The following C17orf78 variants were observed in gnomAD, a reference collection of about 807,000 sequenced individuals.
The protein encoded by C17orf78 is uncharacterized protein C17orf78.
Under a neutral mutation model 31.8 loss-of-function variants are expected in C17orf78, and 27 were observed. That is an observed-to-expected ratio of 0.85 (90% CI 0.63 to 1.17). The LOEUF is 1.17. C17orf78 is among the 50% of genes most tolerant of loss of function. C17orf78 has a pLI of 0.00. For synonymous variants in C17orf78, 106 were observed against 115.1 expected (o/e 0.92, Z 0.51); for missense variants, 258 against 315.2 (o/e 0.82, Z 1.37).
chr17:37,380,898 GT>G (rs201346814), intron 3 of C17orf78, among the ~76,000 whole-genome samples: 180 of 146,122 alleles, frequency 1.2e-3, no homozygotes, highest in Non-Finnish European at 1.7e-3. Flanking sequence ...GCCTGGCCAG[GT>G]TTTTTTTTTT....
chr17:37,383,725 G>A (rs1440339875), intron 3 of C17orf78, among the ~76,000 whole-genome samples: 1 of 152,074 alleles, frequency 6.6e-6, no homozygotes, highest in African/African-American at 2.4e-5. Flanking sequence ...TGTATTTTTA[G>A]TAGAGATAGG....
At chr17:37,381,978 T>C (rs1240854861) in intron 3 of C17orf78, among the ~76,000 whole-genome samples, 1 of 152,194 alleles carries the variant, frequency 6.6e-6, no homozygotes, top group Admixed American at 6.5e-5. Flanking sequence ...TTTGGTCGTT[T>C]CCAATCTTTT....
intron 2 of C17orf78, among the ~76,000 whole-genome samples, chr17:37,378,922 A>G (rs898598704): frequency 6.6e-6 from 1 of 152,114 alleles, no homozygotes; most frequent in Non-Finnish European, 1.5e-5. Flanking sequence ...TTAGCCGAGC[A>G]AAGTGGCATA....
At chr17:37,390,304 TTATATATATATATATA>T (rs1189193698) in intron 6 of C17orf78, among the ~76,000 whole-genome samples, 1 of 17,988 alleles carries the variant, frequency 5.6e-5, no homozygotes, top group Non-Finnish European at 8.1e-5. Flanking sequence ...TTATACATAA[TTATATATATATATATA>T]TATATATATA....
chr17:37,381,597 A>G (rs1166929387), intron 3 of C17orf78, among the ~76,000 whole-genome samples: 1 of 146,144 alleles, frequency 6.8e-6, no homozygotes, highest in Admixed American at 6.8e-5. Flanking sequence ...ACAGTTTTAC[A>G]TTATTCCATA....
intron 2 of C17orf78, 55 bp from the exon 3 acceptor site, chr17:37,379,082 A>G (rs974759606): frequency 1.9e-6 from 3 of 1,551,304 alleles, no homozygotes; most frequent in African/African-American, 1.4e-5. Context: ...AAAAAAACCA[A>G]CCAAACAAAA....
chr17:37,389,507 C>T (rs2050696011), intron 6 of C17orf78, 145 bp downstream of exon 6: 1 of 1,203,482 alleles, frequency 8.3e-7, no homozygotes, highest in Non-Finnish European at 1.1e-6. Context: ...GCCTGACCAA[C>T]ATGACGAAAC....
At chr17:37,390,334 A>ATATATATATATATATATATAT (rs2050822111) in intron 6 of C17orf78, among the ~76,000 whole-genome samples, 14 of 93,408 alleles carry the variant, frequency 1.5e-4, no homozygotes, top group African/African-American at 3.6e-4. Flanking sequence ...ATATATATAT[A>ATATATATATATATATATATAT]AAAGGCCAGC....
chr17:37,388,835 A>G, intron 5 of C17orf78, 41 bp downstream of exon 5: 3 of 1,607,462 alleles, frequency 1.9e-6, no homozygotes, highest in Non-Finnish European at 2.5e-6. Context: ...CTTGACCCAT[A>G]AAGACTTTCT....
intron 6 of C17orf78, among the ~76,000 whole-genome samples, chr17:37,390,981 C>T (rs1219490471): frequency 1.3e-5 from 2 of 152,080 alleles, no homozygotes; most frequent in East Asian, 3.9e-4. Context: ...TGGCTCATGC[C>T]TGTAATCCCA....
At chr17:37,378,722 A>G (rs1330075478) in intron 2 of C17orf78, among the ~76,000 whole-genome samples, 2 of 152,098 alleles carry the variant, frequency 1.3e-5, no homozygotes, top group African/African-American at 2.4e-5. Flanking sequence ...CAACAAGAGC[A>G]AAACTCAGAG....
At chr17:37,377,022 G>A (rs1568073688) in intron 1 of C17orf78, among the ~76,000 whole-genome samples, 2 of 152,120 alleles carry the variant, frequency 1.3e-5, no homozygotes, top group Non-Finnish European at 2.9e-5. Context: ...GGCACAAAGT[G>A]CAGCAGTAAC....
chr17:37,378,036 A>C, intron 2 of C17orf78, 71 bp downstream of exon 2: 77 of 1,339,152 alleles, frequency 5.7e-5, no homozygotes, highest in Non-Finnish European at 7.5e-5. Context: ...AAGATATCTC[A>C]TCTTCCCACT....
At chr17:37,379,466 G>C (rs181984684) in intron 3 of C17orf78, 84 bp downstream of exon 3, 5 of 1,461,370 alleles carry the variant, frequency 3.4e-6, no homozygotes, top group African/African-American at 1.4e-5. Flanking sequence ...AGCAGGAAAA[G>C]CTACAAGAAA....
At chr17:37,383,129 G>T (rs2050377209) in intron 3 of C17orf78, among the ~76,000 whole-genome samples, 1 of 152,220 alleles carries the variant, frequency 6.6e-6, no homozygotes, top group African/African-American at 2.4e-5. Context: ...CTCTTAACAT[G>T]TGACACCTTG....
intron 6 of C17orf78, among the ~76,000 whole-genome samples, chr17:37,390,322 A>ATCTATATCTATATATC (rs1555672346): frequency 5.3e-5 from 2 of 38,086 alleles, no homozygotes; most frequent in East Asian, 2.3e-3. Context: ...ATATATATAT[A>ATCTATATCTATATATC]TATATATATA....
intron 4 of C17orf78, 84 bp downstream of exon 4, chr17:37,386,209 C>A (rs1188227720): frequency 2.4e-6 from 2 of 828,670 alleles, no homozygotes; most frequent in Admixed American, 2.7e-5. Flanking sequence ...TTAGCCCCAG[C>A]GTTAGTCTGG....
intron 6 of C17orf78, among the ~76,000 whole-genome samples, chr17:37,390,303 A>ATTTTATATATATATATATTATAT (rs1167945419): frequency 1.5e-4 from 3 of 19,940 alleles, no homozygotes; most frequent in Admixed American, 1.1e-3. Flanking sequence ...ATTATACATA[A>ATTTTATATATATATATATTATAT]TTATATATAT....
chr17:37,378,647 A>C (rs1195262513), intron 2 of C17orf78, among the ~76,000 whole-genome samples: 9 of 152,204 alleles, frequency 5.9e-5, no homozygotes, highest in Admixed American at 5.9e-4. Context: ...AGAGAGGCGG[A>C]GGTTGCAGTG....
Sources: allele counts gnomAD v4.1 joint callset (sites outside exome capture counted in the v4.1 genomes callset), GRCh38; gene constraint gnomAD v4.1.1; transcripts MANE v1.5; gene names NCBI Gene and HGNC (gene_info 2026-07-23, HGNC 2026-07-21).